The following ANO4 variants were observed in gnomAD, a reference collection of about 807,000 sequenced individuals.
ANO4 encodes the protein anoctamin-4.
A neutral mutation model predicts 141.9 loss-of-function variants in ANO4; 69 were observed. That is an observed-to-expected ratio of 0.49 (90% CI 0.40 to 0.59). ANO4 has a LOEUF of 0.59. Among genes scored for constraint, ANO4 ranks in the 20% least tolerant of loss-of-function variants. ANO4 has a pLI of 0.00. For synonymous variants in ANO4, 350 were observed against 394.3 expected (o/e 0.89, Z 1.33); for missense variants, 894 against 1,162.2 (o/e 0.77, Z 3.36).
intron 14 of ANO4, among the ~76,000 whole-genome samples, chr12:101,065,819 T>C (rs1640737550): frequency 6.6e-6 from 1 of 152,044 alleles, no homozygotes; most frequent in South Asian, 2.1e-4. Context: ...AAAAGAAAAC[T>C]ACAGGCCAAT....
chr12:100,757,573 G>A (rs945949374), intron 3 of ANO4, among the ~76,000 whole-genome samples: 1 of 152,168 alleles, frequency 6.6e-6, no homozygotes, highest in African/African-American at 2.4e-5. Flanking sequence ...ATGGAGGGTG[G>A]AGCCACTGCT....
chr12:100,800,042 G>C (rs1416890143), intron 1 of ANO4, among the ~76,000 whole-genome samples: 1 of 152,186 alleles, frequency 6.6e-6, no homozygotes. Context: ...GTACCAGTCA[G>C]AGTGAGTCAT....
chr12:100,974,464 T>G (rs1183721129), intron 6 of ANO4, among the ~76,000 whole-genome samples: 2 of 152,144 alleles, frequency 1.3e-5, no homozygotes, highest in Admixed American at 1.3e-4. Flanking sequence ...GCGTGCCCAC[T>G]AAATTATGTA....
intron 26 of ANO4, 88 bp from the exon 27 acceptor site, chr12:101,126,791 G>A (rs1593338104): frequency 2.4e-6 from 3 of 1,244,306 alleles, no homozygotes; most frequent in African/African-American, 1.5e-5. Context: ...ACATACCCCA[G>A]AGGGTCCACA....
chr12:101,101,272 G>A (rs2050175349), intron 22 of ANO4, among the ~76,000 whole-genome samples: 1 of 152,154 alleles, frequency 6.6e-6, no homozygotes, highest in African/African-American at 2.4e-5. Context: ...CCATTTAAAT[G>A]TAATTGTAGA....
chr12:100,930,059 T>G (rs1692523911), intron 3 of ANO4, among the ~76,000 whole-genome samples: 1 of 152,138 alleles, frequency 6.6e-6, no homozygotes, highest in African/African-American at 2.4e-5. Context: ...TTGTTTGAGC[T>G]CCATATATAT....
intron 5 of ANO4, among the ~76,000 whole-genome samples, chr12:100,949,138 G>T (rs1052376605): frequency 6.6e-6 from 1 of 152,178 alleles, no homozygotes; most frequent in Non-Finnish European, 1.5e-5. Flanking sequence ...TCTTTCTTCA[G>T]TTGAGCCACT....
At chr12:101,070,412 T>C (rs2048763178) in intron 14 of ANO4, among the ~76,000 whole-genome samples, 1 of 152,100 alleles carries the variant, frequency 6.6e-6, no homozygotes, top group Non-Finnish European at 1.5e-5. Flanking sequence ...AGAATATACA[T>C]TGGGGAAAAG....
intron 8 of ANO4, among the ~76,000 whole-genome samples, chr12:101,016,377 A>C (rs35946759): frequency 6.6e-6 from 1 of 151,808 alleles, no homozygotes; most frequent in Non-Finnish European, 1.5e-5. Flanking sequence ...TCTTTTAAAC[A>C]ACCAGCTCTT....
intron 3 of ANO4, among the ~76,000 whole-genome samples, chr12:100,753,266 G>C (rs1384464456): frequency 6.6e-6 from 1 of 152,214 alleles, no homozygotes; most frequent in African/African-American, 2.4e-5. Context: ...TAAGCCACAT[G>C]ATGAAAGGCT....
chr12:101,026,776 A>G (rs1593053243), intron 9 of ANO4, among the ~76,000 whole-genome samples: 1 of 152,356 alleles, frequency 6.6e-6, no homozygotes, highest in East Asian at 1.9e-4. Context: ...ATTTAAAACC[A>G]TAAAAATTCT....
chr12:100,804,685 C>T (rs1212156382), intron 1 of ANO4, among the ~76,000 whole-genome samples: 1 of 152,142 alleles, frequency 6.6e-6, no homozygotes, highest in East Asian at 1.9e-4. Flanking sequence ...TTTTGATTTG[C>T]ATTTATCTAA....
chr12:100,940,264 A>G (rs915364723), intron 4 of ANO4, among the ~76,000 whole-genome samples: 52 of 151,602 alleles, frequency 3.4e-4, no homozygotes, highest in Admixed American at 5.3e-4. Flanking sequence ...TTACACAGAT[A>G]CTTTGGAAAC....
intron 3 of ANO4, among the ~76,000 whole-genome samples, chr12:100,743,930 A>C (rs1215529061): frequency 6.6e-6 from 1 of 152,106 alleles, no homozygotes; most frequent in East Asian, 1.9e-4. Flanking sequence ...GTTAACATGC[A>C]ATTTTTGATA....
upstream of ANO4, among the ~76,000 whole-genome samples, chr12:100,792,350 A>G (rs2034074847): frequency 1.3e-5 from 2 of 152,228 alleles, no homozygotes; most frequent in Admixed American, 6.5e-5. Flanking sequence ...GTGCTGTTGT[A>G]GAATTTTAGC....
Position 100,922,247 on chromosome 12 carries a change from G to A in ANO4, c.77G>A (p.Gly26Asp). 2 of 1,532,206 alleles carry A rather than the reference G, an allele frequency of 1.3e-6. No homozygotes were observed. Among genetic ancestry groups the A allele is most frequent in the African/African-American group, 1.4e-5 (1 of 72,892 alleles). The allele number at this position is 1,532,206 out of a possible 1,614,324, so 94.9% of individuals were successfully genotyped here. A position where few individuals can be genotyped will look rare whatever the true frequency, so the allele number is the denominator to read the frequency against. The change falls in exon 3 of 28, where the codon GGC becomes GAC. Residue 26 changes from glycine to aspartate, a missense_variant. By Grantham distance (94) the Gly-to-Asp change is moderately conservative. This residue lies in a region of ANO4 where 257 missense variants were observed against 253.0 expected (regional missense o/e 1.02). Transcript: ENST00000392977. The part of the protein sequence containing the change: ...FHPEGGVDLQ[G>D]YQLDMQILPD... ...CTAGAAGGAGGTGTGGATTTGCAAGGCTACCAGCTGGATATGCAAATACTA... is the reference window on the plus strand; with the variant it reads ...CTAGAAGGAGGTGTGGATTTGCAAGACTACCAGCTGGATATGCAAATACTA...
At chr12:101,038,655 T>C (rs1423207446) in intron 10 of ANO4, 1 of 152,208 alleles carries the variant, frequency 6.6e-6, no homozygotes, top group Admixed American at 6.5e-5. Flanking sequence ...CTGCTCTTGT[T>C]TCACGTTAAA....
chr12:100,916,341 C>T lies in ANO4; in HGVS notation c.56-5885C>T, dbSNP rs921501675. 3.9e-4 allele frequency among the ~76,000 whole-genome samples: 59 copies of T among 152,152 alleles called. 1 individual carries two copies. The highest frequency in any genetic ancestry group is 1.3e-3 in the African/African-American group (52 of 41,532). On this transcript the variant is annotated intron_variant, in intron 2 of 27. Coordinates refer to ENST00000392977, the MANE Select transcript of ANO4 (RefSeq NM_001286615.2). ...GTCTTTCACAGTAATCTACTGATAA[C>T]CTATCAAGATGCTTTAAATTGTAGA...
intron 3 of ANO4, among the ~76,000 whole-genome samples, chr12:100,927,583 G>C (rs1592740978): frequency 6.6e-6 from 1 of 152,076 alleles, no homozygotes; most frequent in African/African-American, 2.4e-5. Context: ...CCATGAATCA[G>C]GTGTATGTGT....
Sources: allele counts gnomAD v4.1 joint callset (sites outside exome capture counted in the v4.1 genomes callset), GRCh38; gene constraint gnomAD v4.1.1; regional missense constraint gnomAD v4.1.1; transcripts MANE v1.5; gene names NCBI Gene and HGNC (gene_info 2026-07-23, HGNC 2026-07-21).